Variants in NSUN6 observed in about 807,000 individuals in gnomAD.
NSUN6 encodes the protein tRNA (cytosine(72)-C(5))-methyltransferase NSUN6.
Under a neutral mutation model 58.0 loss-of-function variants are expected in NSUN6, and 64 were observed. The ratio of observed to expected loss-of-function variants is 1.10; its 90% CI spans 0.90 to 1.36. The LOEUF is 1.36. Ranked by LOEUF, NSUN6 falls within the 40% of genes most tolerant of loss-of-function variation. The probability of loss-of-function intolerance (pLI) is 0.00; values close to 1 mark genes in which losing one functional copy is unlikely to be tolerated. For missense variants in NSUN6, 701 were observed against 550.1 expected (o/e 1.27, Z -2.74); for synonymous variants, 231 against 193.9 (o/e 1.19, Z -1.59).
At chr10:18,592,975 A>G (rs2057435345) in intron 7 of NSUN6, among the ~76,000 whole-genome samples, 1 of 152,240 alleles carries the variant, frequency 6.6e-6, no homozygotes, top group Non-Finnish European at 1.5e-5. Context: ...ACAAAGGTCT[A>G]ATAACCAGAA....
chr10:18,624,263 T>C (rs901255344), intron 3 of NSUN6, among the ~76,000 whole-genome samples: 5 of 151,908 alleles, frequency 3.3e-5, no homozygotes, highest in African/African-American at 1.2e-4. Context: ...GACTAGATAG[T>C]ATTTTCAATC....
chr10:18,580,429 G>T (rs182630045), intron 8 of NSUN6, among the ~76,000 whole-genome samples: 3 of 152,092 alleles, frequency 2.0e-5, no homozygotes, highest in Non-Finnish European at 4.4e-5. Context: ...TCCCTAAGAG[G>T]GACAGGCTTG....
At chr10:18,605,990 T>A (rs761414744) in intron 6 of NSUN6, among the ~76,000 whole-genome samples, 46 of 152,092 alleles carry the variant, frequency 3.0e-4, no homozygotes, top group Admixed American at 9.8e-4. Flanking sequence ...GTAAGTGAGA[T>A]TGCTGGATCA....
chr10:18,610,039 A>T, intron 5 of NSUN6, 113 bp from the exon 6 acceptor site: 2 of 697,444 alleles, frequency 2.9e-6, no homozygotes, highest in Non-Finnish European at 5.1e-6. Context: ...CTATCTTTTT[A>T]AGAACTATTT....
chr10:18,569,197 A>G (rs971745274), intron 8 of NSUN6, among the ~76,000 whole-genome samples: 1 of 146,852 alleles, frequency 6.8e-6, no homozygotes, highest in African/African-American at 2.5e-5. Flanking sequence ...TCTCCATTCC[A>G]TTCCATTCTG....
intron 8 of NSUN6, among the ~76,000 whole-genome samples, chr10:18,583,579 AG>A (rs1038536503): frequency 9.2e-5 from 14 of 152,236 alleles, no homozygotes; most frequent in Non-Finnish European, 5.9e-5. Flanking sequence ...ACTTTAAAGC[AG>A]CCAATAAAAA....
At chr10:18,562,027 G>C (rs185146350) in intron 8 of NSUN6, among the ~76,000 whole-genome samples, 1 of 151,054 alleles carries the variant, frequency 6.6e-6, no homozygotes, top group African/African-American at 2.4e-5. Context: ...TAATGGAATG[G>C]AATGCGGAAT....
At chr10:18,596,847 T>C (rs1160711234) in intron 6 of NSUN6, among the ~76,000 whole-genome samples, 1 of 152,206 alleles carries the variant, frequency 6.6e-6, no homozygotes, top group Admixed American at 6.5e-5. Flanking sequence ...TTCACTTTAA[T>C]AATTTAAACT....
intron 8 of NSUN6, among the ~76,000 whole-genome samples, chr10:18,563,756 A>G (rs62648429): frequency 0.2 from 29,590 of 149,816 alleles, 3,177 homozygotes; most frequent in South Asian, 0.32. Context: ...TCTCCATACC[A>G]TTCCATTCTC....
intron 3 of NSUN6, among the ~76,000 whole-genome samples, chr10:18,625,720 TAAAAAAAAAAAA>T (rs71402188): frequency 7.6e-4 from 41 of 53,810 alleles, no homozygotes; most frequent in African/African-American, 2.3e-3. Context: ...GTTTTTTTTT[TAAAAAAAAAAAA>T]AAAAAAAAAA....
intron 8 of NSUN6, among the ~76,000 whole-genome samples, chr10:18,577,275 G>A (rs1461974584): frequency 6.6e-6 from 1 of 152,132 alleles, no homozygotes; most frequent in Non-Finnish European, 1.5e-5. Flanking sequence ...CGCCCCTGAT[G>A]GAAATATAAC....
At chr10:18,560,663 A>G (rs1225898497) in intron 8 of NSUN6, among the ~76,000 whole-genome samples, 1 of 149,924 alleles carries the variant, frequency 6.7e-6, no homozygotes, top group East Asian at 2.0e-4. Context: ...GGAATGGAGA[A>G]TGGAGAATGG....
intron 3 of NSUN6, among the ~76,000 whole-genome samples, chr10:18,621,405 G>C (rs1436405933): frequency 6.6e-6 from 1 of 152,154 alleles, no homozygotes; most frequent in African/African-American, 2.4e-5. Context: ...TCCTCTTAGA[G>C]AATCACAGAA....
At chr10:18,629,012 G>A (rs1317394134) in intron 3 of NSUN6, among the ~76,000 whole-genome samples, 9 of 152,244 alleles carry the variant, frequency 5.9e-5, no homozygotes, top group Admixed American at 3.9e-4. Flanking sequence ...GAGAAAGGTC[G>A]GGTTACCCAC....
At chr10:18,591,546 G>A (rs1183636619) in intron 7 of NSUN6, among the ~76,000 whole-genome samples, 2 of 152,030 alleles carry the variant, frequency 1.3e-5, no homozygotes, top group African/African-American at 4.8e-5. Flanking sequence ...CTTCATCCCG[G>A]GGATGCAAGG....
At chr10:18,636,530 C>T (rs150434887) in intron 3 of NSUN6, among the ~76,000 whole-genome samples, 8 of 151,650 alleles carry the variant, frequency 5.3e-5, no homozygotes, top group African/African-American at 9.7e-5. Flanking sequence ...TAAATACAAA[C>T]TAGGTGGTAG....
chr10:18,583,110 A>G (rs369514819), intron 8 of NSUN6, among the ~76,000 whole-genome samples: 94 of 152,236 alleles, frequency 6.2e-4, no homozygotes, highest in African/African-American at 2.1e-3. Context: ...TAAAATTATA[A>G]TATTTTACTA....
chr10:18,645,242 C>A (rs919806157), intron 2 of NSUN6, among the ~76,000 whole-genome samples: 7 of 126,398 alleles, frequency 5.5e-5, no homozygotes, highest in Non-Finnish European at 1.2e-4. Context: ...ATAGTGATGT[C>A]AAACAACCAG....
chr10:18,590,841 A>G (rs1293176965), intron 7 of NSUN6, among the ~76,000 whole-genome samples: 2 of 152,178 alleles, frequency 1.3e-5, no homozygotes, highest in Admixed American at 6.5e-5. Context: ...ATCACAATTA[A>G]AAGAACTAGA....
Sources: allele counts gnomAD v4.1 joint callset (sites outside exome capture counted in the v4.1 genomes callset), GRCh38; gene constraint gnomAD v4.1.1; transcripts MANE v1.5; gene names NCBI Gene and HGNC (gene_info 2026-07-23, HGNC 2026-07-21).